FGD6: variants seen among roughly 807,000 people sequenced by gnomAD.
The protein encoded by FGD6 is FYVE, RhoGEF and PH domain containing 6, also known as FYVE, RhoGEF and PH domain-containing protein 6.
A neutral mutation model predicts 149.4 loss-of-function variants in FGD6; 90 were observed. The ratio of observed to expected loss-of-function variants is 0.60; its 90% CI spans 0.51 to 0.72. The LOEUF (loss-of-function observed/expected upper bound fraction) is 0.72, where lower values mean the gene tolerates loss of function less well. FGD6 is among the 30% of genes least tolerant of loss of function. The pLI, the probability that FGD6 is intolerant of heterozygous loss-of-function variation, is 0.00. For missense variants in FGD6, 1,437 were observed against 1,684.8 expected (o/e 0.85, Z 2.57); for synonymous variants, 527 against 584.0 (o/e 0.90, Z 1.41).
chr12:95,141,274 AATAT>A lies in FGD6; in HGVS notation c.2837+110_2837+113del, dbSNP rs1236657286. ...TCAATCTATGGATAACTGCAAAGAC[AATAT>A]ATTCAAACAACTCAATGTAATGAAA... On this transcript the variant is annotated intron_variant, in intron 6 of 20. Transcript: ENST00000343958. 3 of 1,107,606 alleles carry A rather than the reference AATAT, an allele frequency of 2.7e-6. No individual in the cohort carries two copies. The African/African-American group carries it at 4.8e-5, about 18-fold the overall frequency. The allele number at this position is 1,107,606 out of a possible 1,614,324, so 68.6% of individuals were successfully genotyped here. A position where few individuals can be genotyped will look rare whatever the true frequency, so the allele number is the denominator to read the frequency against.
At chr12:95,151,460 T>G (rs7297775) in intron 5 of FGD6, among the ~76,000 whole-genome samples, 152,186 of 152,186 alleles carry the variant, frequency 1, 76,093 homozygotes, top group Non-Finnish European at 1. Context: ...CGGAGATGGG[T>G]TTTAGCCATG....
At chr12:95,090,895 C>T (rs989184155) in intron 17 of FGD6, among the ~76,000 whole-genome samples, 1 of 151,988 alleles carries the variant, frequency 6.6e-6, no homozygotes, top group African/African-American at 2.4e-5. Context: ...GTCAGGGGTT[C>T]GAGACCAGCT....
intron 2 of FGD6, among the ~76,000 whole-genome samples, chr12:95,207,783 T>G (rs1473109836): frequency 6.6e-6 from 1 of 152,144 alleles, no homozygotes; most frequent in Non-Finnish European, 1.5e-5. Flanking sequence ...CAGCCTGAGA[T>G]GAAAGGATAT....
At chr12:95,112,592 T>C (rs544962197) in intron 9 of FGD6, among the ~76,000 whole-genome samples, 4 of 152,266 alleles carry the variant, frequency 2.6e-5, no homozygotes, top group African/African-American at 9.6e-5. Context: ...AGAGTGAGAC[T>C]CTGTCTCAAA....
intron 1 of FGD6, among the ~76,000 whole-genome samples, chr12:95,214,348 G>A (rs1252577418): frequency 3.3e-5 from 5 of 152,036 alleles, no homozygotes; most frequent in East Asian, 1.9e-4. Flanking sequence ...ATTTCAATAC[G>A]ATTATTGAAA....
chr12:95,090,306 G>A (rs1159408212), intron 17 of FGD6, among the ~76,000 whole-genome samples: 1 of 152,052 alleles, frequency 6.6e-6, no homozygotes, highest in African/African-American at 2.4e-5. Context: ...TAAAAAAAAG[G>A]GGCTGGTTTG....
At chr12:95,190,321 C>T (rs1341912570) in intron 2 of FGD6, among the ~76,000 whole-genome samples, 1 of 152,120 alleles carries the variant, frequency 6.6e-6, no homozygotes, top group Non-Finnish European at 1.5e-5. Context: ...AGGCGGCCAC[C>T]ACTGCGCCCG....
chr12:95,195,126 A>C (rs1187205711), intron 2 of FGD6, among the ~76,000 whole-genome samples: 9 of 152,200 alleles, frequency 5.9e-5, no homozygotes, highest in Non-Finnish European at 1.0e-4. Flanking sequence ...TTTTGCTATA[A>C]ATTTTATATT....
intron 9 of FGD6, among the ~76,000 whole-genome samples, chr12:95,110,751 C>T (rs1339255646): frequency 6.6e-6 from 1 of 152,086 alleles, no homozygotes; most frequent in Non-Finnish European, 1.5e-5. Context: ...CTGGAATTCC[C>T]GGTGGACAGG....
chr12:95,087,220 G>A (rs1468110654), intron 18 of FGD6, among the ~76,000 whole-genome samples: 1 of 152,118 alleles, frequency 6.6e-6, no homozygotes, highest in Non-Finnish European at 1.5e-5. Context: ...CCTTAGTAAT[G>A]GTATGGCAGG....
intron 3 of FGD6, among the ~76,000 whole-genome samples, chr12:95,155,329 C>A (rs562397137): frequency 6.6e-6 from 1 of 152,276 alleles, no homozygotes; most frequent in East Asian, 1.9e-4. Flanking sequence ...GAGTTCGAGA[C>A]CAGCCTGACT....
chr12:95,113,872 C>T (rs996098336), intron 8 of FGD6, among the ~76,000 whole-genome samples, 171 bp from the exon 9 acceptor site: 29 of 152,148 alleles, frequency 1.9e-4, no homozygotes, highest in African/African-American at 6.8e-4. Context: ...AATTTGAAAT[C>T]AAGACATAGA....
rs1384154632 is a variant in FGD6 at position 95,209,925 on chromosome 12, C to A, written c.1359G>T (p.Met453Ile). 6.2e-7 allele frequency: 1 copy of A among 1,613,600 alleles called. No individual in the cohort carries two copies. The highest frequency in any genetic ancestry group is 8.5e-7 in the Non-Finnish European group (1 of 1,179,928). ...TTAATTTGAGCTGCTTAGGCAGGCT[C>A]ATAGATACAGTACATCTTATAAAAC... Reference protein sequence around the residue: ...GTGFIRCTVSMSLPKQLKLTC... With the variant: ...GTGFIRCTVSISLPKQLKLTC... Residue 453 changes from methionine (M) to isoleucine (I), a missense_variant, in exon 2 of 21, where the codon ATG becomes ATT. Transcript: ENST00000343958.
chr12:95,137,035 T>G (rs887032102), intron 7 of FGD6, among the ~76,000 whole-genome samples: 1 of 152,186 alleles, frequency 6.6e-6, no homozygotes, highest in Non-Finnish European at 1.5e-5. Flanking sequence ...CCCAGCACTT[T>G]GGGAGGCCGA....
In FGD6 at chr12:95,076,908, C is replaced by A. The variant is rs758160272; in HGVS notation, c.*4612G>T. 1 of 148,584 alleles carries A rather than the reference C, an allele frequency of 6.7e-6. No individual in the cohort carries two copies. The highest frequency in any genetic ancestry group is 1.5e-5 in the Non-Finnish European group (1 of 67,062). 9.2% of individuals were successfully genotyped at this position (148,584 alleles called of 1,614,324 possible). A position where few individuals can be genotyped will look rare whatever the true frequency, so the allele number is the denominator to read the frequency against. On this transcript the variant is annotated 3_prime_UTR_variant, in exon 21 of 21. Coordinates refer to ENST00000343958, the MANE Select transcript of FGD6 (RefSeq NM_018351.4). ...ACATTATAAGCCATTAAAAAAAAAA[C>A]GATATTTCAAGATTGGTTCTTACAT...
intron 1 of FGD6, among the ~76,000 whole-genome samples, chr12:95,213,027 T>C (rs915919965): frequency 6.7e-6 from 1 of 149,696 alleles, no homozygotes; most frequent in Non-Finnish European, 1.5e-5. Flanking sequence ...TGTTCAATCA[T>C]CATAGTTAAT....
intron 8 of FGD6, among the ~76,000 whole-genome samples, chr12:95,132,300 C>A (rs890891406): frequency 2.6e-5 from 4 of 152,116 alleles, no homozygotes; most frequent in African/African-American, 9.7e-5. Context: ...TAGGCATAAG[C>A]CACTACACCT....
At position 95,137,684 on chromosome 12, in the gene FGD6, G is replaced by A. The variant is rs1206384646; in HGVS notation, c.2838-6C>T. Reference sequence around the variant, plus strand: ...CAATTCTTTGTTGTTCAGTCCTATGGATAGAGAAGAGATACACAAAAAAAT... The same window carrying A: ...CAATTCTTTGTTGTTCAGTCCTATGAATAGAGAAGAGATACACAAAAAAAT... On this transcript the variant is annotated splice_region_variant and splice_polypyrimidine_tract_variant and intron_variant, in intron 6 of 20. Coordinates refer to ENST00000343958, the MANE Select transcript of FGD6 (RefSeq NM_018351.4). The A allele has an allele frequency of 5.8e-6, 9 of 1,557,242 alleles. No homozygotes were observed. The highest frequency in any genetic ancestry group is 1.7e-4 in the Middle Eastern group (1 of 5,736).
chr12:95,211,110 G>A lies in FGD6; in HGVS notation c.174C>T (p.Val58=), dbSNP rs1191857488. The change falls in exon 2 of 21, where the codon GTC becomes GTT. Residue 58 remains valine (V), a synonymous_variant. Transcript: ENST00000343958. ...MKPAIAPKPK[V]LKTSPVREIG... ...TCTCTCGAACAGGTGAGGTCTTCAG[G>A]ACTTTTGGTTTTGGGGCTATTGCTG... 1 of 1,614,200 alleles carries A rather than the reference G, an allele frequency of 6.2e-7. No homozygotes were observed. The highest frequency in any genetic ancestry group is 1.1e-5 in the South Asian group (1 of 91,078).
Sources: gnomAD v4.1 joint callset for allele counts (sites outside exome capture counted in the v4.1 genomes callset) on GRCh38, gnomAD v4.1.1 for gene constraint, MANE v1.5 for transcripts, NCBI Gene and HGNC (gene_info 2026-07-23, HGNC 2026-07-21) for gene names.